SRRM3: variants seen among roughly 807,000 people sequenced by gnomAD.
SRRM3 encodes serine/arginine repetitive matrix 3, also known as serine/arginine repetitive matrix protein 3.
SRRM3 carries 27 observed loss-of-function variants against 66.2 expected under a neutral mutation model. The observed-to-expected ratio is 0.41, with a 90% CI of 0.30 to 0.56. The LOEUF (loss-of-function observed/expected upper bound fraction) is 0.56. Among genes scored for constraint, SRRM3 ranks in the 20% least tolerant of loss-of-function variants. SRRM3 has a pLI of 0.32. For synonymous variants in SRRM3, 391 were observed against 414.9 expected, an observed-to-expected ratio of 0.94 and a Z score of 0.70; for missense variants, 918 against 991.9, an observed-to-expected ratio of 0.93 and a Z score of 1.00.
intron 5 of SRRM3, 49 bp from the exon 6 acceptor site, chr7:76,260,825 A>C: frequency 1.9e-6 from 3 of 1,549,884 alleles, no homozygotes; most frequent in Non-Finnish European, 1.7e-6. Context: ...TGGGGCCCCA[A>C]CTAACCCCAT....
At chr7:76,234,901 C>A in intron 1 of SRRM3, 127 bp from the exon 2 acceptor site, 1 of 630,526 alleles carries the variant, frequency 1.6e-6, no homozygotes. Context: ...TCCCTCTGCA[C>A]CAGGAAAGGA....
In SRRM3 at chr7:76,249,850, G is replaced by C. The variant is rs550510148; in HGVS notation, c.335+1561G>C. Among the ~76,000 whole-genome samples, 9 of 152,158 alleles carry C rather than the reference G, an allele frequency of 5.9e-5. 1 individual carries two copies. In the South Asian group the frequency reaches 1.2e-3, roughly 21 times the overall value. On this transcript the variant is annotated intron_variant, in intron 3 of 14. Coordinates refer to ENST00000611745, the MANE Select transcript of SRRM3 (RefSeq NM_001110199.3). ...TCACTTGAACCCGCCTCAGAACAGAGTGAGATTCTGTTTCAAAAAATAATA... is the reference window on the plus strand; with the variant it reads ...TCACTTGAACCCGCCTCAGAACAGACTGAGATTCTGTTTCAAAAAATAATA...
At position 76,235,250 on chromosome 7, in the gene SRRM3, C is replaced by G. The variant is rs1171055308; in HGVS notation, c.184C>G (p.Arg62Gly). 1 of 1,545,498 alleles carries G rather than the reference C, an allele frequency of 6.5e-7. No homozygotes were observed. Among genetic ancestry groups the G allele is most frequent in the Non-Finnish European group, 8.7e-7 (1 of 1,153,712 alleles). ...REILDHERKR[R>G]VELKCMELQE... is the part of the protein sequence containing the mutation. ...GATCCTGGACCACGAGCGCAAGCGG[C>G]GGGTGGAGCTCAAGTGCATGGAGCT... is the stretch of plus-strand genomic sequence containing the variant. Residue 62 changes from arginine to glycine, a missense_variant, in exon 2 of 15, where the codon CGG becomes GGG. By Grantham distance (125) the Arg-to-Gly change is moderately radical (BLOSUM62 -2). Transcript: ENST00000611745.
intron 1 of SRRM3, 38 bp downstream of exon 1, chr7:76,202,105 G>A (rs1800160416): frequency 6.6e-6 from 1 of 152,478 alleles, no homozygotes; most frequent in South Asian, 2.1e-4. Context: ...ATCCCCGAGG[G>A]GCTGGGGCTG....
intron 2 of SRRM3, among the ~76,000 whole-genome samples, chr7:76,237,599 A>G (rs868912313): frequency 6.6e-6 from 1 of 152,052 alleles, no homozygotes; most frequent in Admixed American, 6.6e-5. Flanking sequence ...ACAAACACAC[A>G]AACAAAACCT....
intron 1 of SRRM3, among the ~76,000 whole-genome samples, chr7:76,230,816 T>C (rs1333268194): frequency 6.6e-6 from 1 of 150,546 alleles, no homozygotes; most frequent in Non-Finnish European, 1.5e-5. Context: ...AATGGCACAA[T>C]CTCAGCTCAC....
At chr7:76,253,618 C>G (rs559905264) in intron 3 of SRRM3, among the ~76,000 whole-genome samples, 22 of 151,046 alleles carry the variant, frequency 1.5e-4, no homozygotes, top group Non-Finnish European at 2.8e-4. Context: ...GACACTCCGT[C>G]TCAAAAAAAT....
intron 1 of SRRM3, among the ~76,000 whole-genome samples, chr7:76,217,795 C>G (rs1800607545): frequency 6.6e-6 from 1 of 152,164 alleles, no homozygotes; most frequent in South Asian, 2.1e-4. Flanking sequence ...GTACTCCTTG[C>G]ATTTTCTCCC....
intron 1 of SRRM3, among the ~76,000 whole-genome samples, chr7:76,231,999 AGCATGGG>A (rs1554604272): frequency 3.3e-5 from 5 of 152,196 alleles, no homozygotes; most frequent in African/African-American, 1.2e-4. Context: ...GATGGGGTGC[AGCATGGG>A]ATGAAGTTGC....
chr7:76,284,834 G>A (rs1380003152), intron 14 of SRRM3, among the ~76,000 whole-genome samples: 1 of 152,186 alleles, frequency 6.6e-6, no homozygotes, highest in Non-Finnish European at 1.5e-5. Context: ...CTGGGCCAGC[G>A]GGAGGTAGCT....
intron 11 of SRRM3, chr7:76,269,758 T>C (rs1583931922): frequency 9.9e-6 from 1 of 100,944 alleles, no homozygotes; most frequent in East Asian, 5.1e-4. Context: ...TTTCCTTTCT[T>C]TTTTTTTTTC....
chr7:76,220,078 T>C (rs903889448), intron 1 of SRRM3, among the ~76,000 whole-genome samples: 4 of 152,052 alleles, frequency 2.6e-5, no homozygotes, highest in South Asian at 2.1e-4. Context: ...GGTAAAACAA[T>C]AAGTAGTGAG....
intron 11 of SRRM3, among the ~76,000 whole-genome samples, chr7:76,279,087 CG>C (rs1209271120): frequency 6.6e-6 from 1 of 152,056 alleles, no homozygotes; most frequent in Non-Finnish European, 1.5e-5. Context: ...GGTGAAACCC[CG>C]TCTCTCCTAA....
At position 76,285,166 on chromosome 7, in the gene SRRM3, C is replaced by T. The variant is rs576716095; in HGVS notation, c.1734-449C>T. ...GCAGCCTCCGCCTCTGGGGTTCAAG[C>T]GATCCTCCCACCTCAGCCTCCCAAG... On this transcript the variant is annotated intron_variant, in intron 14 of 14. Transcript: ENST00000611745. This position sits in a 1 kb window ranked among gnomAD's most constrained non-coding sequence, Gnocchi z 4.1. 9 of 163,028 alleles carry T rather than the reference C, an allele frequency of 5.5e-5. 1 individual carries two copies. In the South Asian group the frequency reaches 7.9e-4, roughly 14 times the overall value. The allele number at this position is 163,028 out of a possible 1,614,324, so 10.1% of individuals were successfully genotyped here.
intron 2 of SRRM3, among the ~76,000 whole-genome samples, chr7:76,245,724 C>T (rs1554606096): frequency 6.6e-6 from 1 of 152,162 alleles, no homozygotes; most frequent in East Asian, 1.9e-4. Flanking sequence ...GAGACGGAGT[C>T]TCGCTCTGTC....
At chr7:76,210,853 A>G (rs1367372693) in intron 1 of SRRM3, among the ~76,000 whole-genome samples, 1 of 151,864 alleles carries the variant, frequency 6.6e-6, no homozygotes, top group Non-Finnish European at 1.5e-5. Context: ...CCCAGGCTGG[A>G]GTGCAGTGGG....
In SRRM3 at chr7:76,285,874, G is replaced by C. The variant is rs1554612770; in HGVS notation, c.*31G>C. ...GACAGACTCAGCTTGGTGCCCCCCT[G>C]GCACTGGGAGAGGCGAGGGGCGGGC... On this transcript the variant is annotated 3_prime_UTR_variant, in exon 15 of 15. Coordinates refer to ENST00000611745, the MANE Select transcript of SRRM3 (RefSeq NM_001110199.3). This position sits in a 1 kb window ranked among gnomAD's most constrained non-coding sequence, Gnocchi z 4.1. 1 of 1,530,960 alleles carries C rather than the reference G, an allele frequency of 6.5e-7. No individual in the cohort carries two copies. Among genetic ancestry groups the C allele is most frequent in the African/African-American group, 1.4e-5 (1 of 72,738 alleles). The allele number at this position is 1,530,960 out of a possible 1,614,324, so 94.8% of individuals were successfully genotyped here.
At chr7:76,259,797 C>T (rs1801806667) in intron 3 of SRRM3, 109 bp from the exon 4 acceptor site, 2 of 1,545,106 alleles carry the variant, frequency 1.3e-6, no homozygotes, top group Non-Finnish European at 1.8e-6. Flanking sequence ...CTCCCCCAGC[C>T]GGGTAGCAGC....
In SRRM3 at chr7:76,216,795, G is replaced by A. The variant is rs76974510; in HGVS notation, c.-40+14728G>A. ...TTACTGTCCAATTCTGCAGCCCCTC[G>A]GGGGAGGAAAGACCGGGAGAGACTG... On this transcript the variant is annotated intron_variant, in intron 1 of 14. Transcript: ENST00000611745. 3.6e-3 allele frequency among the ~76,000 whole-genome samples: 549 copies of A among 152,282 alleles called. 3 individuals are homozygous for A. The highest frequency in any genetic ancestry group is 0.012 in the African/African-American group (517 of 41,556).
Sources: allele counts gnomAD v4.1 joint callset (sites outside exome capture counted in the v4.1 genomes callset), GRCh38; gene constraint gnomAD v4.1.1; non-coding constraint Gnocchi (gnomAD v3.1); transcripts MANE v1.5; gene names NCBI Gene and HGNC (gene_info 2026-07-23, HGNC 2026-07-21).